Variants in CAMK1D observed in about 807,000 individuals in gnomAD.
The protein encoded by CAMK1D is calcium/calmodulin-dependent protein kinase type 1D.
Under a neutral mutation model 47.7 loss-of-function variants are expected in CAMK1D, and 9 were observed. That is an observed-to-expected ratio of 0.19 (90% confidence interval 0.11 to 0.33). CAMK1D has a LOEUF of 0.33. Ranked by LOEUF, CAMK1D falls within the 10% of genes least tolerant of loss-of-function variation. The probability of loss-of-function intolerance (pLI) is 1.00; values close to 1 mark genes in which losing one functional copy is unlikely to be tolerated. For synonymous variants in CAMK1D, 184 were observed against 184.9 expected (o/e 0.99, Z 0.04); for missense variants, 291 against 488.7 (o/e 0.60, Z 3.81).
At chr10:12,355,882 C>T (rs1837497743) in intron 1 of CAMK1D, among the ~76,000 whole-genome samples, 1 of 152,156 alleles carries the variant, frequency 6.6e-6, no homozygotes, top group African/African-American at 2.4e-5. Flanking sequence ...AAAGGAACAG[C>T]ACGTTAGAAG....
intron 3 of CAMK1D, among the ~76,000 whole-genome samples, chr10:12,710,831 C>T (rs776631676): frequency 2.0e-5 from 3 of 152,134 alleles, no homozygotes; most frequent in South Asian, 2.1e-4. Flanking sequence ...ACCCCACCGG[C>T]GATATGTACC....
chr10:12,501,721 G>A (rs12571745), intron 1 of CAMK1D, among the ~76,000 whole-genome samples: 1,591 of 152,284 alleles, frequency 0.01, 31 homozygotes, highest in East Asian at 0.033. Flanking sequence ...CGCTTCTAGT[G>A]TCTGTGGGCG....
rs10524598 is a variant in CAMK1D at position 12,657,427 on chromosome 10, AAAAT to A, written c.225-9281_225-9278del. Among the ~76,000 whole-genome samples, 109 of 146,818 alleles carry A rather than the reference AAAAT, an allele frequency of 7.4e-4. 1 individual carries two copies. The highest frequency in any genetic ancestry group is 6.8e-3 in the Middle Eastern group (2 of 292). On this transcript the variant is annotated intron_variant, in intron 2 of 10. Transcript: ENST00000619168. Reference sequence around the variant, plus strand: ...TGATGGAGAGAGACTCTGTCTCATAAAAATAAATAAATAAATAAATAAATAAATA... The same window carrying A: ...TGATGGAGAGAGACTCTGTCTCATAAAAATAAATAAATAAATAAATAAATA...
intron 1 of CAMK1D, among the ~76,000 whole-genome samples, chr10:12,392,567 A>T (rs1469424569): frequency 6.6e-6 from 1 of 152,128 alleles, no homozygotes; most frequent in Non-Finnish European, 1.5e-5. Flanking sequence ...ATCATGTACC[A>T]TATGTTATTT....
At chr10:12,461,273 T>G (rs58701737) in intron 1 of CAMK1D, among the ~76,000 whole-genome samples, 1 of 152,230 alleles carries the variant, frequency 6.6e-6, no homozygotes, top group Non-Finnish European at 1.5e-5. Context: ...GTTATCTTTC[T>G]GAATTTACTT....
At chr10:12,626,346 C>T (rs926987035) in intron 2 of CAMK1D, among the ~76,000 whole-genome samples, 12 of 152,172 alleles carry the variant, frequency 7.9e-5, no homozygotes, top group African/African-American at 1.7e-4. Context: ...CAAATAGTGT[C>T]GCTAGACTTA....
intron 3 of CAMK1D, among the ~76,000 whole-genome samples, chr10:12,688,454 A>G (rs1832741690): frequency 6.6e-6 from 1 of 152,232 alleles, no homozygotes; most frequent in African/African-American, 2.4e-5. Context: ...ATAGGAGAGA[A>G]AGATTTAAAG....
intron 3 of CAMK1D, among the ~76,000 whole-genome samples, chr10:12,669,416 GA>G (rs1460954888): frequency 6.6e-6 from 1 of 151,850 alleles, no homozygotes. Context: ...ATTACCTAAG[GA>G]AAAAAAATTT....
At chr10:12,600,897 G>T (rs955349613) in intron 2 of CAMK1D, among the ~76,000 whole-genome samples, 1 of 152,180 alleles carries the variant, frequency 6.6e-6, no homozygotes, top group Non-Finnish European at 1.5e-5. Context: ...CTGTTTCTGA[G>T]TTATTTCACT....
In CAMK1D at chr10:12,804,597, CAAATAAATAAAT is replaced by C. The variant is rs56342576; in HGVS notation, c.642-9580_642-9569del. ...TGGGCGACAGAGTGAGACTCCGTCT[CAAATAAATAAAT>C]AAATAAATAAATAAATACTATTGAG... On this transcript the variant is annotated intron_variant, in intron 6 of 10. Coordinates refer to ENST00000619168, the MANE Select transcript of CAMK1D (RefSeq NM_153498.4). 1.3e-3 allele frequency among the ~76,000 whole-genome samples: 192 copies of C among 148,908 alleles called. 1 individual carries two copies. The highest frequency in any genetic ancestry group is 2.3e-3 in the Non-Finnish European group (156 of 67,384).
chr10:12,439,625 C>T (rs920477158), intron 1 of CAMK1D, among the ~76,000 whole-genome samples: 3 of 152,108 alleles, frequency 2.0e-5, no homozygotes, highest in Non-Finnish European at 4.4e-5. Flanking sequence ...ATTCACTGTC[C>T]CGGGAATCCT....
intron 4 of CAMK1D, among the ~76,000 whole-genome samples, chr10:12,766,939 G>T (rs1836790748): frequency 6.6e-6 from 1 of 152,154 alleles, no homozygotes; most frequent in Non-Finnish European, 1.5e-5. Context: ...GGGAGTCTTG[G>T]TGAGTTCTGA....
intron 1 of CAMK1D, among the ~76,000 whole-genome samples, chr10:12,498,896 C>T (rs1417683564): frequency 1.3e-5 from 2 of 152,072 alleles, no homozygotes; most frequent in African/African-American, 4.8e-5. Flanking sequence ...TATTGCCTTG[C>T]TTTGTCTATA....
At chr10:12,548,477 G>T (rs1383895925) in intron 1 of CAMK1D, among the ~76,000 whole-genome samples, 1 of 141,130 alleles carries the variant, frequency 7.1e-6, no homozygotes, top group South Asian at 2.3e-4. Context: ...TTTGCTGGGG[G>T]AGGAGGGGAC....
At chr10:12,573,616 T>A (rs1358281601) in intron 2 of CAMK1D, among the ~76,000 whole-genome samples, 2 of 152,002 alleles carry the variant, frequency 1.3e-5, no homozygotes, top group Non-Finnish European at 2.9e-5. Flanking sequence ...CTTCTTTCCT[T>A]CTTTTTCTTC....
At chr10:12,355,735 A>T (rs1837491428) in intron 1 of CAMK1D, among the ~76,000 whole-genome samples, 1 of 152,148 alleles carries the variant, frequency 6.6e-6, no homozygotes, top group South Asian at 2.1e-4. Flanking sequence ...TTGAGGCGTG[A>T]TATAAATTCA....
chr10:12,595,614 G>A (rs1564434578), intron 2 of CAMK1D, among the ~76,000 whole-genome samples: 1 of 150,778 alleles, frequency 6.6e-6, no homozygotes, highest in Non-Finnish European at 1.5e-5. Context: ...GCGTGCTCTG[G>A]GCCATGCGTC....
At chr10:12,699,666 T>C (rs992674681) in intron 3 of CAMK1D, among the ~76,000 whole-genome samples, 1 of 150,824 alleles carries the variant, frequency 6.6e-6, no homozygotes, top group African/African-American at 2.5e-5. Flanking sequence ...AAAAACAAGA[T>C]GATTTTTTTT....
At chr10:12,569,867 G>A (rs1202123569) in intron 2 of CAMK1D, among the ~76,000 whole-genome samples, 8 of 151,856 alleles carry the variant, frequency 5.3e-5, no homozygotes, top group Admixed American at 3.3e-4. Context: ...TGACCCTCCC[G>A]TAGGTTCAAG....
Sources: allele counts gnomAD v4.1 joint callset (sites outside exome capture counted in the v4.1 genomes callset), GRCh38; gene constraint gnomAD v4.1.1; transcripts MANE v1.5; gene names NCBI Gene and HGNC (gene_info 2026-07-23, HGNC 2026-07-21).